SERGEF: variants seen among roughly 807,000 people sequenced by gnomAD.
SERGEF encodes secretion-regulating guanine nucleotide exchange factor.
In SERGEF, 51 loss-of-function variants were observed where a neutral mutation model predicts 50.0. The ratio of observed to expected loss-of-function variants is 1.02; its 90% CI spans 0.81 to 1.29. The LOEUF (loss-of-function observed/expected upper bound fraction) is 1.29, where lower values mean the gene tolerates loss of function less well. Ranked by LOEUF, SERGEF falls within the 50% of genes most tolerant of loss-of-function variation. The pLI, the probability that SERGEF is intolerant of heterozygous loss-of-function variation, is 0.00. For synonymous variants in SERGEF, 205 were observed against 212.4 expected (o/e 0.97, Z 0.30); for missense variants, 521 against 557.0 (o/e 0.94, Z 0.65).
chr11:17,862,076 A>T (rs1375264450), intron 10 of SERGEF, among the ~76,000 whole-genome samples: 1 of 152,168 alleles, frequency 6.6e-6, no homozygotes, highest in Admixed American at 6.5e-5. Flanking sequence ...GAACGTAGCC[A>T]TCACTGTAGC....
At position 17,910,406 on chromosome 11, in the gene SERGEF, G is replaced by A. The variant is rs184109493; in HGVS notation, c.1012-32162C>T. ...TAGGACTACAGGCATGTGCCACCAC[G>A]CCCAGCTAATTAAAAAAAATTTTTT... is the stretch of plus-strand genomic sequence containing the variant. On this transcript the variant is annotated intron_variant, in intron 9 of 10. Coordinates refer to ENST00000265965, the MANE Select transcript of SERGEF (RefSeq NM_012139.4). Among the ~76,000 whole-genome samples, 8 of 150,034 alleles carry A rather than the reference G, an allele frequency of 5.3e-5. No homozygotes were observed. In the East Asian group the frequency reaches 1.2e-3, roughly 22 times the overall value.
intron 10 of SERGEF, among the ~76,000 whole-genome samples, chr11:17,830,649 GGAGAGAGAGAGAGAGA>G (rs55967425): frequency 1.3e-5 from 1 of 77,726 alleles, no homozygotes; most frequent in African/African-American, 5.8e-5. Context: ...GGAGAGGGAG[GGAGAGAGAGAGAGAGA>G]GAGAGAGAGA....
At chr11:17,916,574 A>G (rs755611961) in intron 9 of SERGEF, among the ~76,000 whole-genome samples, 1 of 152,242 alleles carries the variant, frequency 6.6e-6, no homozygotes, top group Non-Finnish European at 1.5e-5. Flanking sequence ...AGCATAGGAA[A>G]CACCAAGCTA....
intron 10 of SERGEF, among the ~76,000 whole-genome samples, chr11:17,805,224 C>T (rs1849736754): frequency 6.6e-6 from 1 of 152,196 alleles, no homozygotes; most frequent in Non-Finnish European, 1.5e-5. Context: ...GCCATTAACT[C>T]AACACGTGGT....
chr11:17,912,876 C>G (rs918863502), intron 9 of SERGEF, among the ~76,000 whole-genome samples: 11 of 152,178 alleles, frequency 7.2e-5, no homozygotes, highest in Non-Finnish European at 1.3e-4. Flanking sequence ...GCTACTTTAC[C>G]CTATCCTAGC....
At chr11:18,012,687 G>GGCCT (rs2134019028) in intron 1 of SERGEF, 1 of 1,165,388 alleles carries the variant, frequency 8.6e-7, no homozygotes, top group Non-Finnish European at 1.1e-6. Flanking sequence ...TCTGCCCCGA[G>GGCCT]GCAGGTTCTT....
chr11:17,836,116 T>TG (rs769337511), intron 10 of SERGEF, among the ~76,000 whole-genome samples: 3 of 152,238 alleles, frequency 2.0e-5, no homozygotes, highest in Non-Finnish European at 4.4e-5. Context: ...GCACATACCA[T>TG]GTGCCAAGTT....
chr11:17,827,966 C>T (rs1202377515), intron 10 of SERGEF, among the ~76,000 whole-genome samples: 1 of 152,194 alleles, frequency 6.6e-6, no homozygotes, highest in East Asian at 1.9e-4. Flanking sequence ...AATGATGAGA[C>T]AAGCCTTGAG....
chr11:17,897,258 T>G (rs1255584912), intron 9 of SERGEF, among the ~76,000 whole-genome samples: 1 of 152,188 alleles, frequency 6.6e-6, no homozygotes, highest in Non-Finnish European at 1.5e-5. Flanking sequence ...CTCAAAGAAC[T>G]GACATCTCCC....
chr11:17,825,076 T>G (rs372200070), intron 10 of SERGEF, among the ~76,000 whole-genome samples: 3 of 152,342 alleles, frequency 2.0e-5, no homozygotes, highest in South Asian at 4.1e-4. Flanking sequence ...ATGGCATTCT[T>G]AAGTCATTTT....
chr11:17,995,595 G>A (rs1031243273), intron 6 of SERGEF, among the ~76,000 whole-genome samples: 16 of 152,128 alleles, frequency 1.1e-4, no homozygotes, highest in Admixed American at 9.8e-4. Context: ...GCCTCAATCG[G>A]TTCCAAACTC....
intron 10 of SERGEF, among the ~76,000 whole-genome samples, chr11:17,809,528 C>T (rs895915524): frequency 6.6e-6 from 1 of 152,156 alleles, no homozygotes; most frequent in Non-Finnish European, 1.5e-5. Flanking sequence ...GATGCACTCA[C>T]ACGATGCCAG....
chr11:17,981,371 T>C (rs1853492266), intron 8 of SERGEF, among the ~76,000 whole-genome samples: 1 of 152,218 alleles, frequency 6.6e-6, no homozygotes, highest in African/African-American at 2.4e-5. Flanking sequence ...TGGGGAAAGA[T>C]GTTTCTTTGA....
chr11:17,893,627 A>G (rs1590181525), intron 9 of SERGEF, among the ~76,000 whole-genome samples: 1 of 152,198 alleles, frequency 6.6e-6, no homozygotes. Flanking sequence ...AGCTGGTTCC[A>G]CAGTGGCTCA....
chr11:17,959,660 T>G (rs1435906608), intron 8 of SERGEF, 24 bp from the exon 9 acceptor site: 19 of 1,593,386 alleles, frequency 1.2e-5, no homozygotes, highest in Non-Finnish European at 1.6e-5. Flanking sequence ...TTATTTGAAT[T>G]AAGACTACAT....
At position 17,965,718 on chromosome 11, in the gene SERGEF, A is replaced by G. The variant is rs115390559; in HGVS notation, c.845-6082T>C. ...GAATAATGCCCAACACAAAGTAGGC[A>G]CTCAATAAATATCTGCTGCCTGAAT... is the stretch of plus-strand genomic sequence containing the variant. On this transcript the variant is annotated intron_variant, in intron 8 of 10. Coordinates refer to ENST00000265965, the MANE Select transcript of SERGEF (RefSeq NM_012139.4). Among the ~76,000 whole-genome samples, 990 of 152,292 alleles carry G rather than the reference A, an allele frequency of 6.5e-3. 11 individuals carry two copies. The highest frequency in any genetic ancestry group is 0.022 in the African/African-American group (927 of 41,558).
chr11:17,967,915 TCCC>T (rs922308854), intron 8 of SERGEF, among the ~76,000 whole-genome samples: 15 of 152,102 alleles, frequency 9.9e-5, no homozygotes, highest in African/African-American at 3.6e-4. Flanking sequence ...GGAATCCTAC[TCCC>T]CCTTCAGGGC....
intron 10 of SERGEF, among the ~76,000 whole-genome samples, chr11:17,870,219 T>C (rs1394118232): frequency 1.3e-5 from 2 of 152,200 alleles, no homozygotes; most frequent in Non-Finnish European, 2.9e-5. Context: ...GTGAGTCAAT[T>C]AAACCTCTTT....
At chr11:17,982,316 A>G (rs1009681791) in intron 8 of SERGEF, among the ~76,000 whole-genome samples, 2 of 152,162 alleles carry the variant, frequency 1.3e-5, no homozygotes, top group East Asian at 3.8e-4. Flanking sequence ...CTCAGTTTTC[A>G]CATCTCTAAA....
Sources: gnomAD v4.1 joint callset for allele counts (sites outside exome capture counted in the v4.1 genomes callset) on GRCh38, gnomAD v4.1.1 for gene constraint, MANE v1.5 for transcripts, NCBI Gene and HGNC (gene_info 2026-07-23, HGNC 2026-07-21) for gene names.